Variants in DOT1L observed in about 807,000 individuals in gnomAD.
DOT1L encodes the protein histone-lysine N-methyltransferase, H3 lysine-79 specific.
DOT1L carries 33 observed loss-of-function variants against 153.3 expected under a neutral mutation model. That is an observed-to-expected ratio of 0.22 (90% CI 0.16 to 0.29). DOT1L has a LOEUF of 0.29. Among genes scored for constraint, DOT1L ranks in the 10% least tolerant of loss-of-function variants. The pLI, the probability that DOT1L is intolerant of heterozygous loss-of-function variation, is 1.00. For synonymous variants in DOT1L, 1,135 were observed against 965.1 expected (o/e 1.18, Z -3.26); for missense variants, 1,847 against 2,119.9 (o/e 0.87, Z 2.53).
chr19:2,177,944 A>G (rs1050418528), intron 1 of DOT1L, among the ~76,000 whole-genome samples: 2 of 144,232 alleles, frequency 1.4e-5, no homozygotes, highest in African/African-American at 5.2e-5. Context: ...TTTTTTTGAG[A>G]TGGATTCTCA....
Position 2,231,512 on chromosome 19 carries a change from C to T in DOT1L, c.*1720C>T, listed in dbSNP as rs990535239. 5.0e-6 allele frequency: 1 copy of T among 198,154 alleles called. No individual in the cohort carries two copies. The highest frequency in any genetic ancestry group is 1.0e-5 in the Non-Finnish European group (1 of 95,898). 12.3% of individuals were successfully genotyped at this position (198,154 alleles called of 1,614,324 possible). On this transcript the variant is annotated 3_prime_UTR_variant, in exon 28 of 28. Transcript: ENST00000398665. ...CCTCCCCCAGCCCCCAACAACCTCT[C>T]AGACCCCCACCCTCCAACATAGCTG...
chr19:2,220,764 A>G lies in DOT1L; in HGVS notation c.2806+542A>G, dbSNP rs1205930138. ...CCGCAGAGACAGCATGTCAGCGGGC[A>G]TGGCTGTGTGCCAGCAAAACTGTAC... On this transcript the variant is annotated intron_variant, in intron 23 of 27. Coordinates refer to ENST00000398665, the MANE Select transcript of DOT1L (RefSeq NM_032482.3). The surrounding 1 kb of genome is among the most constrained non-coding windows in gnomAD (Gnocchi z 4.5). 3.2e-5 allele frequency: 11 copies of G among 348,326 alleles called. No individual in the cohort carries two copies. Among genetic ancestry groups the G allele is most frequent in the East Asian group, 1.5e-4 (2 of 13,220 alleles). The allele number at this position is 348,326 out of a possible 1,614,324, so 21.6% of individuals were successfully genotyped here.
chr19:2,213,889 C>T lies in DOT1L; in HGVS notation c.1700C>T (p.Ala567Val), dbSNP rs1470399067. 1.2e-6 allele frequency: 2 copies of T among 1,613,118 alleles called. No homozygotes were observed. Among genetic ancestry groups the T allele is most frequent in the Non-Finnish European group, 8.5e-7 (1 of 1,180,044 alleles). The change falls in exon 18 of 28, where the codon GCG becomes GTG. Residue 567 changes from alanine (A) to valine (V), a missense_variant. Ala to Val is a moderately conservative substitution (Grantham distance 64). Transcript: ENST00000398665. Reference sequence around the variant, plus strand: ...CTGACCTACAACGACCTGATTCAAGCGCAGAAGGAGATCTCCGCCCATAAC... The same window carrying T: ...CTGACCTACAACGACCTGATTCAAGTGCAGAAGGAGATCTCCGCCCATAAC... Reference protein sequence around the residue: ...KALTYNDLIQAQKEISAHNQQ... With the variant: ...KALTYNDLIQVQKEISAHNQQ...
At chr19:2,168,084 GA>G (rs1355053352) in intron 1 of DOT1L, among the ~76,000 whole-genome samples, 1 of 152,098 alleles carries the variant, frequency 6.6e-6, no homozygotes, top group Non-Finnish European at 1.5e-5. Context: ...AGCAGCTACT[GA>G]ATACTCAGTG....
chr19:2,227,655 T>G, intron 27 of DOT1L: 3 of 1,256,532 alleles, frequency 2.4e-6, no homozygotes, highest in South Asian at 1.3e-5. Flanking sequence ...TCGCTTCCCT[T>G]TTTGTGAGCC....
chr19:2,206,146 C>T (rs375574141), intron 9 of DOT1L, among the ~76,000 whole-genome samples: 1 of 151,862 alleles, frequency 6.6e-6, no homozygotes, highest in Admixed American at 6.6e-5. Context: ...TACAGATGTG[C>T]GCCACCACAC....
At chr19:2,227,588 G>A in intron 27 of DOT1L, 1 of 916,064 alleles carries the variant, frequency 1.1e-6, no homozygotes, top group Non-Finnish European at 1.4e-6. Context: ...GGGCCACCAC[G>A]AGCCTGGCCG....
Position 2,231,844 on chromosome 19 carries a change from CA to C in DOT1L, c.*2053del. The stretch of plus-strand genomic sequence containing the variant: ...ATCACGGGTCCTGCAGATGGCCATG[CA>C]GGGCTCCTGCCCACGCAGGCCACCG... On this transcript the variant is annotated 3_prime_UTR_variant, in exon 28 of 28. Transcript: ENST00000398665. The C allele has an allele frequency of 4.6e-6, 1 of 219,578 alleles. No individual in the cohort carries two copies. The highest frequency in any genetic ancestry group is 1.8e-4 in the South Asian group (1 of 5,418). 13.6% of individuals were successfully genotyped at this position (219,578 alleles called of 1,614,324 possible).
chr19:2,220,874 A>G lies in DOT1L; in HGVS notation c.2806+652A>G. 1 of 276,934 alleles carries G rather than the reference A, an allele frequency of 3.6e-6. No homozygotes were observed. Among genetic ancestry groups the G allele is most frequent in the South Asian group, 3.4e-5 (1 of 29,368 alleles). The allele number at this position is 276,934 out of a possible 1,614,324, so 17.2% of individuals were successfully genotyped here. A position where few individuals can be genotyped will look rare whatever the true frequency, so the allele number is the denominator to read the frequency against. On this transcript the variant is annotated intron_variant, in intron 23 of 27. Transcript: ENST00000398665. The surrounding 1 kb of genome is among the most constrained non-coding windows in gnomAD (Gnocchi z 4.5). ...GGTATGATGCGGCAGCTACTTTTTT[A>G]GGAGTAAAAAGTAAAATGTGGCCGG...
intron 1 of DOT1L, among the ~76,000 whole-genome samples, chr19:2,177,423 A>G (rs978398446): frequency 6.6e-6 from 1 of 151,924 alleles, no homozygotes; most frequent in Non-Finnish European, 1.5e-5. Flanking sequence ...CAGCCTCCCT[A>G]GTAGCTGGAA....
chr19:2,206,430 C>T (rs986567715), intron 9 of DOT1L, among the ~76,000 whole-genome samples: 3 of 149,990 alleles, frequency 2.0e-5, no homozygotes, highest in African/African-American at 4.9e-5. Context: ...TGGTGGTGTG[C>T]GCCTGTAATC....
intron 26 of DOT1L, among the ~76,000 whole-genome samples, chr19:2,225,877 C>T (rs1262432362): frequency 6.6e-6 from 1 of 152,220 alleles, no homozygotes; most frequent in Non-Finnish European, 1.5e-5. Context: ...TTCCCCAGAG[C>T]TCATCCCGCA....
At chr19:2,228,397 C>T (rs1187626162) in intron 27 of DOT1L, 28 of 1,261,904 alleles carry the variant, frequency 2.2e-5, no homozygotes, top group Non-Finnish European at 2.9e-5. Context: ...GGCCAGAGCC[C>T]TGCGCGGTGG....
At position 2,223,328 on chromosome 19, in the gene DOT1L, G is replaced by A. The variant is rs2286329; in HGVS notation, c.3438G>A (p.Pro1146=). 0.037 allele frequency: 60,336 copies of A among 1,613,412 alleles called. 3,539 individuals carry two copies. Among genetic ancestry groups the A allele is most frequent in the African/African-American group, 0.22 (16,494 of 74,778 alleles). ...QPLEITAISS[P]ETSLKSSPVP... Reference sequence around the variant, plus strand: ...TGGAGATTACAGCCATCTCGTCCCCGGAGACCTCCCTGAAGAGCTCCCCTG... The same window carrying A: ...TGGAGATTACAGCCATCTCGTCCCCAGAGACCTCCCTGAAGAGCTCCCCTG... The change falls in exon 25 of 28, where the codon CCG becomes CCA. Residue 1146 remains proline (P), a synonymous_variant. Transcript: ENST00000398665.
chr19:2,232,356 C>G lies in DOT1L; in HGVS notation c.*2564C>G, dbSNP rs930174981. The G allele has an allele frequency of 3.3e-5, 7 of 212,314 alleles. No homozygotes were observed. The highest frequency in any genetic ancestry group is 1.4e-4 in the African/African-American group (6 of 43,764). 13.2% of individuals were successfully genotyped at this position (212,314 alleles called of 1,614,324 possible). A position where few individuals can be genotyped will look rare whatever the true frequency, so the allele number is the denominator to read the frequency against. ...GGCCCCCCACCCCCCGCCGACTGCC[C>G]TCGCCATCGTGGTCAGACCCCCCTC... On this transcript the variant is annotated 3_prime_UTR_variant, in exon 28 of 28. Coordinates refer to ENST00000398665, the MANE Select transcript of DOT1L (RefSeq NM_032482.3).
intron 18 of DOT1L, 82 bp downstream of exon 18, chr19:2,214,068 G>T: frequency 2.0e-6 from 3 of 1,514,156 alleles, no homozygotes; most frequent in Non-Finnish European, 8.9e-7. Flanking sequence ...CGGGTGGGAG[G>T]CTCTGGAAGG....
In DOT1L at chr19:2,225,419, G is replaced by A; in HGVS notation, c.3628G>A (p.Glu1210Lys). ...IERKIATISL[E>K]SKSPPKTLEN... The stretch of plus-strand genomic sequence containing the variant: ...GAGAAAAATTGCAACAATCTCCTTA[G>A]AAAGCAAATCTCCCCCGAAAACCTT... The change falls in exon 26 of 28, where the codon GAA (glutamate) becomes AAA (lysine). Residue 1210 changes from glutamate to lysine, a missense_variant. Physicochemically the swap from Glu to Lys is moderately conservative, Grantham distance 56 (BLOSUM62 1). This residue lies in a region of DOT1L where 934 missense variants were observed against 825.3 expected (regional missense o/e 1.13). Transcript: ENST00000398665. 6.2e-7 allele frequency: 1 copy of A among 1,614,144 alleles called. No homozygotes were observed. Among genetic ancestry groups the A allele is most frequent in the Non-Finnish European group, 8.5e-7 (1 of 1,180,000 alleles).
At chr19:2,205,330 C>T (rs1455023416) in intron 9 of DOT1L, among the ~76,000 whole-genome samples, 1 of 152,196 alleles carries the variant, frequency 6.6e-6, no homozygotes, top group Non-Finnish European at 1.5e-5. Context: ...CTCTGTTTCT[C>T]TCGGTCCTGC....
rs558552074 is a variant in DOT1L at position 2,227,990 on chromosome 19, C to A, written c.4606+863C>A. 6.2e-6 allele frequency: 8 copies of A among 1,281,078 alleles called. No individual in the cohort carries two copies. The East Asian group carries it at 1.7e-4, about 28-fold the overall frequency. 79.4% of individuals were successfully genotyped at this position (1,281,078 alleles called of 1,614,324 possible). On this transcript the variant is annotated intron_variant, in intron 27 of 27. Coordinates refer to ENST00000398665, the MANE Select transcript of DOT1L (RefSeq NM_032482.3). ...CCGCGGGGCCGCCCGTCCTCCACGC[C>A]CCCCCTCCACCTAACGCCGCCTTGC... is the stretch of plus-strand genomic sequence containing the variant.
Sources: allele counts gnomAD v4.1 joint callset (sites outside exome capture counted in the v4.1 genomes callset), GRCh38; gene constraint gnomAD v4.1.1; regional missense constraint gnomAD v4.1.1; non-coding constraint Gnocchi (gnomAD v3.1); transcripts MANE v1.5; gene names NCBI Gene and HGNC (gene_info 2026-07-23, HGNC 2026-07-21).